TRDN: variants seen among roughly 807,000 people sequenced by gnomAD.
TRDN encodes the protein triadin.
A neutral mutation model predicts 149.7 loss-of-function variants in TRDN; 161 were observed. That is an observed-to-expected ratio of 1.08 (90% CI 0.95 to 1.23). TRDN has a LOEUF of 1.23. TRDN is among the 50% of genes most tolerant of loss of function. The pLI is 0.00. For missense variants in TRDN, 896 were observed against 823.5 expected, an observed-to-expected ratio of 1.09 and a Z score of -1.08; for synonymous variants, 294 against 250.5, an observed-to-expected ratio of 1.17 and a Z score of -1.64.
intron 16 of TRDN, among the ~76,000 whole-genome samples, chr6:123,378,127 G>A (rs1398230980): frequency 1.3e-5 from 2 of 151,582 alleles, no homozygotes; most frequent in African/African-American, 4.8e-5. Flanking sequence ...GAATATTAGA[G>A]GAATTTGAAT....
chr6:123,591,744 C>A (rs1357958233), intron 1 of TRDN, among the ~76,000 whole-genome samples: 5 of 152,122 alleles, frequency 3.3e-5, no homozygotes, highest in Non-Finnish European at 7.4e-5. Context: ...AAGAAAAAAA[C>A]CAGCAGCTTC....
At chr6:123,586,659 CA>C (rs1422136050) in intron 1 of TRDN, among the ~76,000 whole-genome samples, 1 of 151,992 alleles carries the variant, frequency 6.6e-6, no homozygotes, top group East Asian at 1.9e-4. Context: ...GAAAATAAGA[CA>C]CTTAGATTTT....
At chr6:123,293,743 CTG>C (rs1201786716) in intron 24 of TRDN, among the ~76,000 whole-genome samples, 1 of 152,156 alleles carries the variant, frequency 6.6e-6, no homozygotes. Flanking sequence ...AAGTCAAACA[CTG>C]TAACCTTTAG....
intron 12 of TRDN, among the ~76,000 whole-genome samples, chr6:123,396,647 T>C (rs1336821663): frequency 6.6e-6 from 1 of 152,176 alleles, no homozygotes; most frequent in Non-Finnish European, 1.5e-5. Flanking sequence ...AAACATGCGG[T>C]ATTTATATAA....
At chr6:123,483,066 TTTA>T (rs71021451) in intron 9 of TRDN, among the ~76,000 whole-genome samples, 23,217 of 133,036 alleles carry the variant, frequency 0.17, 1,995 homozygotes, top group Middle Eastern at 0.22. Flanking sequence ...TGATTTCTCA[TTTA>T]TTATTATTAT....
At chr6:123,331,800 G>T in intron 23 of TRDN, 79 bp downstream of exon 23, 1 of 910,208 alleles carries the variant, frequency 1.1e-6, no homozygotes, top group South Asian at 2.3e-5. Flanking sequence ...AAAATGAAAT[G>T]ATTCATTACT....
At chr6:123,373,874 A>G (rs1017073173) in intron 19 of TRDN, among the ~76,000 whole-genome samples, 1 of 152,172 alleles carries the variant, frequency 6.6e-6, no homozygotes, top group African/African-American at 2.4e-5. Context: ...AGGCTTTTCA[A>G]TGGTATCTAT....
chr6:123,515,765 T>C (rs1460956680), intron 6 of TRDN, among the ~76,000 whole-genome samples: 1 of 152,184 alleles, frequency 6.6e-6, no homozygotes, highest in East Asian at 1.9e-4. Flanking sequence ...TAAATAACAA[T>C]TAGAAATTAA....
At chr6:123,482,258 C>A (rs367682130) in intron 9 of TRDN, among the ~76,000 whole-genome samples, 41 of 152,232 alleles carry the variant, frequency 2.7e-4, no homozygotes, top group African/African-American at 9.6e-4. Context: ...AAATTTTCTA[C>A]AGGGTGCTTT....
chr6:123,475,137 T>C (rs1222565626), intron 9 of TRDN, among the ~76,000 whole-genome samples: 1 of 150,316 alleles, frequency 6.7e-6, no homozygotes, highest in African/African-American at 2.4e-5. Flanking sequence ...TTTGAAAGGA[T>C]CAACAAAATT....
chr6:123,600,619 G>A (rs1461018557), intron 1 of TRDN, among the ~76,000 whole-genome samples: 2 of 152,020 alleles, frequency 1.3e-5, no homozygotes, highest in Non-Finnish European at 2.9e-5. Flanking sequence ...CAGTTTTTCT[G>A]GGCCCTGAAG....
At chr6:123,596,772 G>A (rs2114636075) in intron 1 of TRDN, among the ~76,000 whole-genome samples, 1 of 152,158 alleles carries the variant, frequency 6.6e-6, no homozygotes, top group Admixed American at 6.6e-5. Context: ...CTGCATGACA[G>A]CACGTCTGTT....
intron 10 of TRDN, among the ~76,000 whole-genome samples, chr6:123,442,545 C>CAA (rs1434202710): frequency 8.6e-4 from 31 of 36,206 alleles, no homozygotes; most frequent in Non-Finnish European, 1.2e-3. Context: ...GACTCCGTCT[C>CAA]AAAAAAAAAA....
At chr6:123,255,385 T>C (rs1477188278) in intron 36 of TRDN, among the ~76,000 whole-genome samples, 1 of 152,134 alleles carries the variant, frequency 6.6e-6, no homozygotes, top group African/African-American at 2.4e-5. Context: ...TCTGATTAAC[T>C]GGATTTGGAG....
In TRDN at chr6:123,426,546, G is replaced by A. The variant is rs13194413; in HGVS notation, c.1051+11517C>T. ...CAGCCCAAGTGGTTTACCACATTCCGCTGATAGGCTTATATCACATGTTCA... is the reference window on the plus strand; with the variant it reads ...CAGCCCAAGTGGTTTACCACATTCCACTGATAGGCTTATATCACATGTTCA... On this transcript the variant is annotated intron_variant, in intron 12 of 40. Transcript: ENST00000334268. Among the ~76,000 whole-genome samples, 544 of 152,230 alleles carry A rather than the reference G, an allele frequency of 3.6e-3. 4 individuals are homozygous for A. The highest frequency in any genetic ancestry group is 3.6e-3 in the Non-Finnish European group (248 of 67,994).
chr6:123,251,589 A>G (rs1776374977), intron 38 of TRDN, among the ~76,000 whole-genome samples: 1 of 150,720 alleles, frequency 6.6e-6, no homozygotes, highest in African/African-American at 2.4e-5. Flanking sequence ...AATTAAAATT[A>G]CACATATGAA....
intron 2 of TRDN, among the ~76,000 whole-genome samples, chr6:123,566,591 CA>C (rs1562393438): frequency 3.3e-5 from 5 of 152,200 alleles, no homozygotes. Context: ...GAGTAACTGA[CA>C]GTTGCCCTGA....
intron 4 of TRDN, among the ~76,000 whole-genome samples, chr6:123,535,356 T>C (rs1244259351): frequency 3.9e-5 from 6 of 152,152 alleles, no homozygotes; most frequent in Admixed American, 2.0e-4. Flanking sequence ...TTTCAAAGAA[T>C]GTAGGAAGTG....
chr6:123,315,279 G>C (rs187789786), intron 24 of TRDN, among the ~76,000 whole-genome samples: 1 of 151,778 alleles, frequency 6.6e-6, no homozygotes, highest in East Asian at 1.9e-4. Flanking sequence ...TGTAACTTTT[G>C]ATGTAAACAC....
Sources: gnomAD v4.1 joint callset for allele counts (sites outside exome capture counted in the v4.1 genomes callset) on GRCh38, gnomAD v4.1.1 for gene constraint, MANE v1.5 for transcripts, NCBI Gene and HGNC (gene_info 2026-07-23, HGNC 2026-07-21) for gene names.